The following RFC1 variants were observed in gnomAD, a reference collection of about 807,000 sequenced individuals.
The protein encoded by RFC1 is replication factor C subunit 1.
A neutral mutation model predicts 137.4 loss-of-function variants in RFC1; 37 were observed. That is an observed-to-expected ratio of 0.27 (90% CI 0.21 to 0.35). The LOEUF is 0.35. RFC1 is among the 10% of genes least tolerant of loss of function. The pLI is 1.00. For missense variants in RFC1, 1,205 were observed against 1,358.5 expected (o/e 0.89, Z 1.78); for synonymous variants, 429 against 455.7 (o/e 0.94, Z 0.75).
chr4:39,327,396 C>T lies in RFC1; in HGVS notation c.564+128G>A, dbSNP rs977954175. The stretch of plus-strand genomic sequence containing the variant: ...TAAAATGAGGGCAATACATTTTATC[C>T]ATAATCATAGGAAAATTATTTTAAT... On this transcript the variant is annotated intron_variant, in intron 5 of 24. Coordinates refer to ENST00000349703, the MANE Select transcript of RFC1 (RefSeq NM_002913.5). The T allele has an allele frequency of 7.8e-6, 4 of 509,834 alleles. No homozygotes were observed. In the East Asian group the frequency reaches 1.3e-4, roughly 17 times the overall value. The allele number at this position is 509,834 out of a possible 1,614,324, so 31.6% of individuals were successfully genotyped here. A position where few individuals can be genotyped will look rare whatever the true frequency, so the allele number is the denominator to read the frequency against.
chr4:39,361,849 C>G (rs1190820497), intron 1 of RFC1, among the ~76,000 whole-genome samples: 2 of 152,030 alleles, frequency 1.3e-5, no homozygotes, highest in Non-Finnish European at 2.9e-5. Flanking sequence ...GAGATCGAGA[C>G]CATGGTAAAA....
rs1266704258 is a variant in RFC1, at chr4:39,300,152, C to A, written c.2691-14G>T. 2 of 1,612,650 alleles carry A rather than the reference C, an allele frequency of 1.2e-6. No individual in the cohort carries two copies. Among genetic ancestry groups the A allele is most frequent in the African/African-American group, 2.7e-5 (2 of 74,862 alleles). ...TTCATGTCACCCCTGCAGGAAAGAACCAGTCTGGATTATCCCACTCTCCAC... is the reference window on the plus strand; with the variant it reads ...TTCATGTCACCCCTGCAGGAAAGAAACAGTCTGGATTATCCCACTCTCCAC... On this transcript the variant is annotated splice_polypyrimidine_tract_variant and intron_variant, in intron 20 of 24. Coordinates refer to ENST00000349703, the MANE Select transcript of RFC1 (RefSeq NM_002913.5).
At chr4:39,320,782 C>A in intron 8 of RFC1, 113 bp from the exon 9 acceptor site, 1 of 995,138 alleles carries the variant, frequency 1.0e-6, no homozygotes, top group Non-Finnish European at 1.4e-6. Flanking sequence ...CCTGAAGGCC[C>A]AAAGTCCTAA....
chr4:39,318,496 A>C (rs1739360033), intron 9 of RFC1, among the ~76,000 whole-genome samples: 1 of 152,270 alleles, frequency 6.6e-6, no homozygotes, highest in South Asian at 2.1e-4. Context: ...TTATGAAGTC[A>C]GAATTATTTG....
chr4:39,319,750 T>C (rs1217820427), intron 9 of RFC1, among the ~76,000 whole-genome samples: 2 of 152,204 alleles, frequency 1.3e-5, no homozygotes, highest in East Asian at 3.9e-4. Context: ...TACCAAACTA[T>C]ATATATACTT....
chr4:39,313,025 A>T (rs920478873), intron 10 of RFC1, 94 bp from the exon 11 acceptor site: 1 of 1,017,708 alleles, frequency 9.8e-7, no homozygotes, highest in South Asian at 1.7e-5. Context: ...GATTTTTCTC[A>T]TTTCACATCA....
chr4:39,293,934 G>A (rs1737831543), intron 22 of RFC1, among the ~76,000 whole-genome samples: 1 of 152,214 alleles, frequency 6.6e-6, no homozygotes, highest in African/African-American at 2.4e-5. Flanking sequence ...CCACCTGCAT[G>A]TCTTGGCTGA....
intron 19 of RFC1, among the ~76,000 whole-genome samples, chr4:39,301,691 A>C (rs1238868510): frequency 1.3e-5 from 2 of 152,224 alleles, no homozygotes; most frequent in East Asian, 3.8e-4. Context: ...TCACACCTAT[A>C]ATCCCGGCAC....
intron 4 of RFC1, among the ~76,000 whole-genome samples, chr4:39,329,800 C>T (rs1052737622): frequency 2.6e-5 from 4 of 151,796 alleles, no homozygotes; most frequent in Non-Finnish European, 5.9e-5. Flanking sequence ...TCCGGGAGGC[C>T]GAGATGGGCG....
At chr4:39,295,900 T>C in intron 21 of RFC1, 141 bp from the exon 22 acceptor site, 1 of 627,428 alleles carries the variant, frequency 1.6e-6, no homozygotes, top group Non-Finnish European at 2.6e-6. Flanking sequence ...AGACCCTTTC[T>C]ATAACTCTGA....
chr4:39,357,353 C>T (rs1402929183), intron 1 of RFC1, among the ~76,000 whole-genome samples: 1 of 152,188 alleles, frequency 6.6e-6, no homozygotes, highest in Non-Finnish European at 1.5e-5. Context: ...GAGCTTTAGA[C>T]TACGCATTCA....
At chr4:39,317,429 G>A (rs958532200) in intron 9 of RFC1, among the ~76,000 whole-genome samples, 1 of 152,150 alleles carries the variant, frequency 6.6e-6, no homozygotes, top group Non-Finnish European at 1.5e-5. Flanking sequence ...AAGATATTCT[G>A]TGTTAATCCT....
intron 2 of RFC1, among the ~76,000 whole-genome samples, chr4:39,349,048 G>T (rs546382973): frequency 9.0e-6 from 1 of 110,562 alleles, no homozygotes; most frequent in East Asian, 2.7e-4. Flanking sequence ...TCCTTATCTG[G>T]TTTCACAGGT....
chr4:39,328,336 C>T (rs575551399), intron 4 of RFC1, among the ~76,000 whole-genome samples: 2 of 152,096 alleles, frequency 1.3e-5, no homozygotes, highest in Non-Finnish European at 2.9e-5. Flanking sequence ...AAGACAAAAT[C>T]CCTGCCCTCA....
chr4:39,312,787 T>G lies in RFC1; in HGVS notation c.1348A>C (p.Met450Leu), dbSNP rs141418649. 8 of 1,614,038 alleles carry G rather than the reference T, an allele frequency of 5.0e-6. No homozygotes were observed. In the African/African-American group the frequency reaches 1.1e-4, roughly 22 times the overall value. The part of the protein sequence containing the change: ...NVSKKTNYLV[M>L]GRDSGQSKSD... Reference sequence around the variant, plus strand: ...TTGGACTGTCCACTATCACGACCCATGACAAGATAATTTGTTTTCTTGCTG... The same window carrying G: ...TTGGACTGTCCACTATCACGACCCAGGACAAGATAATTTGTTTTCTTGCTG... The change falls in exon 11 of 25, where the codon ATG becomes CTG. Residue 450 changes from methionine (M) to leucine (L), a missense_variant. By Grantham distance (15) the Met-to-Leu change is conservative. Around this residue, in one of 3 missense-constraint regions of RFC1, gnomAD observed 962 missense variants for 1,035.3 expected, o/e 0.93. Coordinates refer to ENST00000349703, the MANE Select transcript of RFC1 (RefSeq NM_002913.5).
At chr4:39,291,950 A>G (rs2109577046) in intron 22 of RFC1, 98 bp from the exon 23 acceptor site, 1 of 832,442 alleles carries the variant, frequency 1.2e-6, no homozygotes, top group Non-Finnish European at 2.0e-6. Flanking sequence ...AGTTCAATCC[A>G]ATTTCAATAA....
chr4:39,339,603 T>C (rs1399281578), intron 4 of RFC1, among the ~76,000 whole-genome samples: 1 of 152,192 alleles, frequency 6.6e-6, no homozygotes, highest in East Asian at 1.9e-4. Flanking sequence ...TGTTTTTCTA[T>C]TGAATTGTAT....
chr4:39,314,439 T>C (rs1363014751), intron 10 of RFC1, among the ~76,000 whole-genome samples: 5 of 152,168 alleles, frequency 3.3e-5, no homozygotes, highest in Non-Finnish European at 5.9e-5. Context: ...CTAGCCTCCC[T>C]ATCAAACTCT....
At chr4:39,299,609 TC>T (rs1738234626) in intron 21 of RFC1, among the ~76,000 whole-genome samples, 1 of 78,514 alleles carries the variant, frequency 1.3e-5, no homozygotes. Context: ...CAACACTGTC[TC>T]AAAAAAAAAA....
Sources: gnomAD v4.1 joint callset for allele counts (sites outside exome capture counted in the v4.1 genomes callset) on GRCh38, gnomAD v4.1.1 for gene constraint, gnomAD v4.1.1 regional missense constraint, MANE v1.5 for transcripts, NCBI Gene and HGNC (gene_info 2026-07-23, HGNC 2026-07-21) for gene names.